IL1RAPL2: variants seen among roughly 807,000 people sequenced by gnomAD.
IL1RAPL2 encodes the protein interleukin 1 receptor accessory protein like 2.
In IL1RAPL2, 3 loss-of-function variants were observed where a neutral mutation model predicts 44.1. The ratio of observed to expected loss-of-function variants is 0.07; its 90% CI spans 0.03 to 0.18. The LOEUF (loss-of-function observed/expected upper bound fraction) is 0.18. Ranked by LOEUF, IL1RAPL2 falls within the 10% of genes least tolerant of loss-of-function variation. IL1RAPL2 has a pLI of 1.00. For missense variants in IL1RAPL2, 391 were observed against 496.4 expected (o/e 0.79, Z 2.02); for synonymous variants, 181 against 178.8 (o/e 1.01, Z -0.10).
chrX:104,827,944 G>A (rs929212633), intron 2 of IL1RAPL2, among the ~76,000 whole-genome samples: 5 of 111,287 alleles, frequency 4.5e-5, no homozygotes, highest in African/African-American at 1.3e-4. Context: ...TATGCTTCAC[G>A]AAGTTCTCGT....
At chrX:104,988,011 C>T (rs1052616582) in intron 2 of IL1RAPL2, among the ~76,000 whole-genome samples, 1 of 112,075 alleles carries the variant, frequency 8.9e-6, no homozygotes, top group Admixed American at 9.5e-5. Context: ...CTATGAAGCT[C>T]TAAGACCAAG....
chrX:104,964,374 T>C (rs1361599083), intron 2 of IL1RAPL2, among the ~76,000 whole-genome samples: 13 of 108,189 alleles, frequency 1.2e-4, no homozygotes, highest in African/African-American at 4.1e-4. Context: ...TGCAGTGGTG[T>C]GATCTCGGCT....
intron 2 of IL1RAPL2, among the ~76,000 whole-genome samples, chrX:104,694,190 C>G (rs1360764254): frequency 4.5e-5 from 5 of 111,785 alleles, no homozygotes; most frequent in Non-Finnish European, 9.4e-5. Flanking sequence ...TTTCATTGTT[C>G]CTCAGAATTT....
At chrX:105,101,251 GC>G (rs1196998052) in intron 2 of IL1RAPL2, among the ~76,000 whole-genome samples, 2 of 111,708 alleles carry the variant, frequency 1.8e-5, no homozygotes, top group African/African-American at 6.5e-5. Flanking sequence ...AGTTTACTTG[GC>G]CCTCTGTCAT....
At chrX:104,810,294 T>C (rs1343705909) in intron 2 of IL1RAPL2, among the ~76,000 whole-genome samples, 1 of 110,498 alleles carries the variant, frequency 9.0e-6, no homozygotes, top group Non-Finnish European at 1.9e-5. Context: ...GGGATAGCTT[T>C]AGGAGACATA....
At chrX:105,247,152 C>CT (rs1404602787) in intron 4 of IL1RAPL2, among the ~76,000 whole-genome samples, 30 of 111,508 alleles carry the variant, frequency 2.7e-4, no homozygotes, top group African/African-American at 9.5e-4. Flanking sequence ...TATCTGAACT[C>CT]TATCTGTTAG....
intron 1 of IL1RAPL2, among the ~76,000 whole-genome samples, chrX:104,626,475 A>T (rs1003370973): frequency 2.7e-5 from 3 of 110,402 alleles, no homozygotes; most frequent in Non-Finnish European, 5.7e-5. Flanking sequence ...ATAGAGTTGA[A>T]AATATTTGGG....
intron 6 of IL1RAPL2, among the ~76,000 whole-genome samples, chrX:105,531,204 G>A (rs2147793077): frequency 9.0e-6 from 1 of 111,715 alleles, no homozygotes; most frequent in Non-Finnish European, 1.9e-5. Context: ...CCAAATCATT[G>A]CCAACATTTC....
intron 6 of IL1RAPL2, among the ~76,000 whole-genome samples, chrX:105,544,125 C>T (rs911555490): frequency 2.7e-5 from 3 of 111,480 alleles, no homozygotes; most frequent in East Asian, 2.8e-4. Context: ...AAGTCATGTA[C>T]TACTTTTGAT....
At chrX:105,345,372 A>G (rs1194283534) in intron 5 of IL1RAPL2, among the ~76,000 whole-genome samples, 1 of 111,516 alleles carries the variant, frequency 9.0e-6, no homozygotes, top group Non-Finnish European at 1.9e-5. Flanking sequence ...TATTTTTTCC[A>G]TCGGATAGTT....
intron 6 of IL1RAPL2, among the ~76,000 whole-genome samples, chrX:105,533,756 T>C (rs1405461987): frequency 8.9e-6 from 1 of 112,445 alleles, no homozygotes; most frequent in Non-Finnish European, 1.9e-5. Context: ...GAGGTTTATC[T>C]AAATTGTTGC....
At chrX:105,608,634 A>G (rs936393963) in intron 6 of IL1RAPL2, among the ~76,000 whole-genome samples, 1 of 112,246 alleles carries the variant, frequency 8.9e-6, no homozygotes, top group African/African-American at 3.2e-5. Flanking sequence ...AGATAAAACC[A>G]GAGTTCTTTT....
chrX:105,607,634 A>C (rs12850650), intron 6 of IL1RAPL2, among the ~76,000 whole-genome samples: 2 of 88,499 alleles, frequency 2.3e-5, no homozygotes, highest in Admixed American at 1.2e-4. Context: ...CATTCAGCAG[A>C]CAAAAAAAAA....
At chrX:104,892,662 A>T (rs1276539987) in intron 2 of IL1RAPL2, among the ~76,000 whole-genome samples, 1 of 110,969 alleles carries the variant, frequency 9.0e-6, no homozygotes, top group Non-Finnish European at 1.9e-5. Context: ...TTTTTATTGC[A>T]TCTATCTGAT....
At chrX:105,061,547 G>T (rs2032075180) in intron 2 of IL1RAPL2, among the ~76,000 whole-genome samples, 1 of 111,952 alleles carries the variant, frequency 8.9e-6, no homozygotes, top group Non-Finnish European at 1.9e-5. Flanking sequence ...GTATATAGCA[G>T]ATCCATTTGT....
At chrX:105,220,048 T>C in intron 3 of IL1RAPL2, 2 of 1,211,839 alleles carry the variant, frequency 1.7e-6, no homozygotes, top group Non-Finnish European at 2.2e-6. Flanking sequence ...CGTCTCCTGC[T>C]GCTCCCTGAG....
At chrX:104,694,730 AAGTT>A (rs1445278030) in intron 2 of IL1RAPL2, among the ~76,000 whole-genome samples, 1 of 111,371 alleles carries the variant, frequency 9.0e-6, no homozygotes, top group African/African-American at 3.3e-5. Flanking sequence ...TTTGTAAACT[AAGTT>A]AGAGGTAAGG....
intron 6 of IL1RAPL2, among the ~76,000 whole-genome samples, chrX:105,507,144 T>G (rs1417833907): frequency 2.7e-5 from 3 of 111,976 alleles, no homozygotes; most frequent in Non-Finnish European, 3.8e-5. Flanking sequence ...TTATTTCTAG[T>G]GTCTTTTTCC....
At chrX:104,579,060 A>G (rs181191388) in intron 1 of IL1RAPL2, among the ~76,000 whole-genome samples, 9 of 112,060 alleles carry the variant, frequency 8.0e-5, no homozygotes, top group African/African-American at 2.6e-4. Flanking sequence ...GAGATACATA[A>G]CAGATGAAAT....
Sources: gnomAD v4.1 joint callset for allele counts (sites outside exome capture counted in the v4.1 genomes callset) on GRCh38, gnomAD v4.1.1 for gene constraint, MANE v1.5 for transcripts, NCBI Gene and HGNC (gene_info 2026-07-23, HGNC 2026-07-21) for gene names.